PLOD1: variants seen among roughly 807,000 people sequenced by gnomAD.
PLOD1 encodes lysine hydroxylase.
In PLOD1, 70 loss-of-function variants were observed where a neutral mutation model predicts 94.7. The observed-to-expected ratio is 0.74, with a 90% CI of 0.61 to 0.90. The LOEUF (loss-of-function observed/expected upper bound fraction) is 0.90. Among genes scored for constraint, PLOD1 ranks in the 40% least tolerant of loss-of-function variants. The pLI, the probability that PLOD1 is intolerant of heterozygous loss-of-function variation, is 0.00. For missense variants in PLOD1, 905 were observed against 972.7 expected (o/e 0.93, Z 0.93); for synonymous variants, 417 against 400.2 (o/e 1.04, Z -0.50).
chr1:11,935,960 G>A (rs1645575632), intron 1 of PLOD1, among the ~76,000 whole-genome samples: 2 of 150,704 alleles, frequency 1.3e-5, no homozygotes, highest in Admixed American at 1.3e-4. Context: ...TCCCAGGTAG[G>A]TGGGATCACA....
intron 15 of PLOD1, chr1:11,966,531 G>T: frequency 2.4e-6 from 1 of 409,680 alleles, no homozygotes; most frequent in South Asian, 2.1e-5. Flanking sequence ...GATGGGGGTG[G>T]GGGGAGGCAG....
intron 1 of PLOD1, chr1:11,944,419 G>A (rs933903746): frequency 1.4e-5 from 5 of 352,054 alleles, no homozygotes; most frequent in South Asian, 8.2e-5. Context: ...GCGCATGCAC[G>A]CGTACACACA....
At chr1:11,947,245 AAAAAC>A (rs1312632428) in intron 1 of PLOD1, among the ~76,000 whole-genome samples, 1 of 150,394 alleles carries the variant, frequency 6.6e-6, no homozygotes, top group African/African-American at 2.5e-5. Context: ...TCAAAAAAAA[AAAAAC>A]AAAAACAAAC....
At chr1:11,945,411 G>A (rs1267898101) in intron 1 of PLOD1, among the ~76,000 whole-genome samples, 1 of 145,190 alleles carries the variant, frequency 6.9e-6, no homozygotes, top group Non-Finnish European at 1.5e-5. Context: ...GGCAACGGGA[G>A]TGAGATTGGG....
chr1:11,966,177 G>T lies in PLOD1; in HGVS notation c.1585-74G>T. 3.6e-6 allele frequency: 4 copies of T among 1,096,144 alleles called. No homozygotes were observed. In the South Asian group the frequency reaches 4.0e-5, roughly 11 times the overall value. The allele number at this position is 1,096,144 out of a possible 1,614,324, so 67.9% of individuals were successfully genotyped here. On this transcript the variant is annotated intron_variant, in intron 14 of 18. Transcript: ENST00000196061. ...GCACGTACACCTTCACTCCCACTTT[G>T]AGGGGTCTGCTCTGAGCATCCCTGG...
rs538235353 is a variant in PLOD1, at chr1:11,954,733, C to G, written c.580-97C>G. 1.5e-4 allele frequency: 146 copies of G among 962,848 alleles called. No homozygotes were observed. In the Middle Eastern group the frequency reaches 2.3e-3, roughly 15 times the overall value. 59.6% of individuals were successfully genotyped at this position (962,848 alleles called of 1,614,324 possible). A position where few individuals can be genotyped will look rare whatever the true frequency, so the allele number is the denominator to read the frequency against. ...GCAGAGTCGGTGTGGGGAATGAGGG[C>G]TGAACTTGGGGACAGATTCCCCACA... is the stretch of plus-strand genomic sequence containing the variant. On this transcript the variant is annotated intron_variant, in intron 5 of 18. Coordinates refer to ENST00000196061, the MANE Select transcript of PLOD1 (RefSeq NM_000302.4).
rs1645787364 is a variant in PLOD1, at chr1:11,962,696, C to T, written c.1098-836C>T. Among the ~76,000 whole-genome samples the T allele has an allele frequency of 6.6e-5, 10 of 152,108 alleles. No individual in the cohort carries two copies. In the South Asian group the frequency reaches 2.1e-3, roughly 32 times the overall value. On this transcript the variant is annotated intron_variant, in intron 10 of 18. Coordinates refer to ENST00000196061, the MANE Select transcript of PLOD1 (RefSeq NM_000302.4). ...CTGGGGAAGTTGAGGCTGCAGTGAGCTATGATTGTGCATTCCAGCTTGGCT... is the reference window on the plus strand; with the variant it reads ...CTGGGGAAGTTGAGGCTGCAGTGAGTTATGATTGTGCATTCCAGCTTGGCT...
In PLOD1 at chr1:11,963,063, A is replaced by AT. The variant is rs1271187799; in HGVS notation, c.1098-468dup. ...CTCAAAAAAATAAAATAAAATAAAA[A>AT]TAAAAAAAAGAAAAACATAAAGCTG... On this transcript the variant is annotated intron_variant, in intron 10 of 18. Transcript: ENST00000196061. The surrounding 1 kb of genome is among the most constrained non-coding windows in gnomAD (Gnocchi z 4.3). 1.3e-5 allele frequency among the ~76,000 whole-genome samples: 2 copies of AT among 152,122 alleles called. No individual in the cohort carries two copies. The highest frequency in any genetic ancestry group is 4.8e-5 in the African/African-American group (2 of 41,420).
chr1:11,937,233 GCT>G (rs1304415787), intron 1 of PLOD1, among the ~76,000 whole-genome samples: 8 of 152,210 alleles, frequency 5.3e-5, no homozygotes, highest in African/African-American at 1.9e-4. Flanking sequence ...GGCGGTGCTT[GCT>G]CTCTGTGAGG....
intron 5 of PLOD1, among the ~76,000 whole-genome samples, chr1:11,953,246 G>C (rs943211495): frequency 2.0e-5 from 3 of 151,848 alleles, no homozygotes; most frequent in Non-Finnish European, 2.9e-5. Flanking sequence ...AGTAGAGACA[G>C]GGTTTCACTA....
intron 1 of PLOD1, among the ~76,000 whole-genome samples, chr1:11,942,978 G>C (rs1479542306): frequency 2.0e-5 from 3 of 150,076 alleles, no homozygotes; most frequent in East Asian, 2.0e-4. Context: ...TTGTTTGTTT[G>C]GTTTTTTGTT....
chr1:11,941,626 C>T (rs1267952973), intron 1 of PLOD1, among the ~76,000 whole-genome samples: 1 of 151,974 alleles, frequency 6.6e-6, no homozygotes, highest in African/African-American at 2.4e-5. Context: ...ATTATAGGCG[C>T]CTGCCACCAT....
At chr1:11,971,748 C>T (rs6665708) in intron 17 of PLOD1, 8,883 of 152,326 alleles carry the variant, frequency 0.058, 370 homozygotes, top group East Asian at 0.1. Context: ...AAAAAAGCAC[C>T]CCTGCCCACC....
chr1:11,966,196 T>C, intron 14 of PLOD1, 55 bp from the exon 15 acceptor site: 9 of 1,317,068 alleles, frequency 6.8e-6, no homozygotes, highest in Non-Finnish European at 9.8e-6. Context: ...GCTCTGAGCA[T>C]CCCTGGCAGT....
At chr1:11,943,980 C>G (rs1277225925) in intron 1 of PLOD1, among the ~76,000 whole-genome samples, 1 of 152,098 alleles carries the variant, frequency 6.6e-6, no homozygotes, top group Non-Finnish European at 1.5e-5. Context: ...TGCCTGTAAT[C>G]CAGCACTTTG....
intron 1 of PLOD1, among the ~76,000 whole-genome samples, chr1:11,937,566 G>A (rs908037567): frequency 6.6e-6 from 1 of 152,200 alleles, no homozygotes; most frequent in African/African-American, 2.4e-5. Context: ...GACATGGGGT[G>A]CCTGCATCCC....
chr1:11,942,170 A>G (rs974614121), intron 1 of PLOD1, among the ~76,000 whole-genome samples: 3 of 151,726 alleles, frequency 2.0e-5, no homozygotes, highest in Non-Finnish European at 2.9e-5. Flanking sequence ...TTTAGTAGAG[A>G]CGGGGTTTCA....
intron 16 of PLOD1, among the ~76,000 whole-genome samples, chr1:11,969,685 G>T (rs903146526): frequency 6.6e-6 from 1 of 152,196 alleles, no homozygotes; most frequent in African/African-American, 2.4e-5. Flanking sequence ...TGTCAGCTGG[G>T]GTTGGGGTCT....
At chr1:11,940,787 G>A (rs952903898) in intron 1 of PLOD1, among the ~76,000 whole-genome samples, 3 of 152,190 alleles carry the variant, frequency 2.0e-5, no homozygotes, top group African/African-American at 4.8e-5. Context: ...CTTGGTACTC[G>A]AAAATGAATC....
Sources: allele counts gnomAD v4.1 joint callset (sites outside exome capture counted in the v4.1 genomes callset), GRCh38; gene constraint gnomAD v4.1.1; non-coding constraint Gnocchi (gnomAD v3.1); transcripts MANE v1.5; gene names NCBI Gene and HGNC (gene_info 2026-07-23, HGNC 2026-07-21).